The following SHANK2 variants were observed in gnomAD, a reference collection of about 807,000 sequenced individuals.
SHANK2 encodes the protein SH3 and multiple ankyrin repeat domains 2.
In SHANK2, 43 loss-of-function variants were observed where a neutral mutation model predicts 133.7. That is an observed-to-expected ratio of 0.32 (90% CI 0.25 to 0.41). The LOEUF (loss-of-function observed/expected upper bound fraction) is 0.41. Among genes scored for constraint, SHANK2 ranks in the 10% least tolerant of loss-of-function variants. The pLI is 1.00. For synonymous variants in SHANK2, 1,017 were observed against 952.8 expected, an observed-to-expected ratio of 1.07 and a Z score of -1.24; for missense variants, 1,994 against 2,235.8, an observed-to-expected ratio of 0.89 and a Z score of 2.18.
intron 17 of SHANK2, among the ~76,000 whole-genome samples, chr11:70,590,273 A>C (rs1329810750): frequency 6.6e-6 from 1 of 152,250 alleles, no homozygotes; most frequent in Non-Finnish European, 1.5e-5. Flanking sequence ...GGACAAGCAA[A>C]GAAAGTGATT....
Position 70,472,839 on chromosome 11 carries a change from A to G in SHANK2, c.*30T>C. 5.0e-6 allele frequency: 8 copies of G among 1,601,080 alleles called. No homozygotes were observed. The highest frequency in any genetic ancestry group is 6.8e-6 in the Non-Finnish European group (8 of 1,168,172). Reference sequence around the variant, plus strand: ...CGAGCCCATCTCTACTTATAACAAGAGCAGTCTGCGAGGTGGAGAGCAGCC... The same window carrying G: ...CGAGCCCATCTCTACTTATAACAAGGGCAGTCTGCGAGGTGGAGAGCAGCC... On this transcript the variant is annotated 3_prime_UTR_variant, in exon 26 of 26. Transcript: ENST00000601538. This position sits in a 1 kb window ranked among gnomAD's most constrained non-coding sequence, Gnocchi z 4.4.
chr11:71,243,343 G>A (rs1954917781), intron 1 of SHANK2, among the ~76,000 whole-genome samples: 1 of 152,094 alleles, frequency 6.6e-6, no homozygotes, highest in South Asian at 2.1e-4. Flanking sequence ...AAGAAGGGAA[G>A]ACTCAAATTA....
chr11:70,612,389 C>T (rs540840720), intron 17 of SHANK2, among the ~76,000 whole-genome samples: 133 of 152,300 alleles, frequency 8.7e-4, no homozygotes, highest in African/African-American at 3.1e-3. Flanking sequence ...TCGCCAGGTA[C>T]AGCTGCAGGC....
intron 15 of SHANK2, among the ~76,000 whole-genome samples, chr11:70,681,063 C>T (rs1355029939): frequency 6.6e-6 from 1 of 152,180 alleles, no homozygotes; most frequent in African/African-American, 2.4e-5. Flanking sequence ...TGACAGGTGC[C>T]CTGACTTGCA....
chr11:70,860,809 C>A (rs760615761), intron 11 of SHANK2, among the ~76,000 whole-genome samples: 11 of 152,122 alleles, frequency 7.2e-5, no homozygotes, highest in Admixed American at 5.9e-4. Flanking sequence ...GGGCCCAGGA[C>A]CAGGTGTTCA....
chr11:71,085,553 AT>A (rs1951369501), intron 8 of SHANK2, among the ~76,000 whole-genome samples: 3 of 83,530 alleles, frequency 3.6e-5, no homozygotes, highest in Non-Finnish European at 6.5e-5. Flanking sequence ...TATATAACAT[AT>A]TATATTATAT....
At chr11:70,491,995 G>C (rs2058892949) in intron 22 of SHANK2, among the ~76,000 whole-genome samples, 1 of 152,210 alleles carries the variant, frequency 6.6e-6, no homozygotes, top group South Asian at 2.1e-4. Context: ...CTGTGCTCTG[G>C]GTGGACCAGG....
At chr11:70,533,266 T>C (rs1554973569) in intron 17 of SHANK2, among the ~76,000 whole-genome samples, 1 of 152,204 alleles carries the variant, frequency 6.6e-6, no homozygotes, top group African/African-American at 2.4e-5. Context: ...TAGACTTTTA[T>C]TTTTGTAGAG....
chr11:70,863,579 A>G, intron 11 of SHANK2: 1 of 456,754 alleles, frequency 2.2e-6, no homozygotes, highest in Non-Finnish European at 4.4e-6. Flanking sequence ...TTAGAGTCTA[A>G]AATAACTCAG....
intron 2 of SHANK2, among the ~76,000 whole-genome samples, chr11:71,210,238 A>T (rs1180297406): frequency 1.9e-5 from 2 of 102,624 alleles, no homozygotes; most frequent in African/African-American, 1.0e-4. Flanking sequence ...ATATATATAT[A>T]TATATATATA....
intron 17 of SHANK2, among the ~76,000 whole-genome samples, chr11:70,609,148 G>A (rs1554993430): frequency 6.6e-6 from 1 of 152,202 alleles, no homozygotes; most frequent in South Asian, 2.1e-4. Context: ...GGGCCTGGCC[G>A]GCTCCCACCT....
chr11:70,565,221 A>ATCCC (rs2059953537), intron 17 of SHANK2, among the ~76,000 whole-genome samples: 1 of 151,154 alleles, frequency 6.6e-6, no homozygotes, highest in Non-Finnish European at 1.5e-5. Context: ...AGTTTCATCC[A>ATCCC]TCCATCCATC....
intron 14 of SHANK2, among the ~76,000 whole-genome samples, chr11:70,773,078 G>A (rs1168807541): frequency 6.6e-6 from 1 of 152,160 alleles, no homozygotes; most frequent in African/African-American, 2.4e-5. Flanking sequence ...CTGTGGGCAG[G>A]TCTTATCTTT....
At chr11:70,731,986 C>G (rs1681478078) in intron 14 of SHANK2, among the ~76,000 whole-genome samples, 1 of 152,278 alleles carries the variant, frequency 6.6e-6, no homozygotes, top group Admixed American at 6.5e-5. Flanking sequence ...GTGGCCTCCT[C>G]CTCAGCTCCC....
intron 2 of SHANK2, among the ~76,000 whole-genome samples, chr11:71,171,350 C>A (rs1177106332): frequency 6.6e-6 from 1 of 152,108 alleles, no homozygotes; most frequent in African/African-American, 2.4e-5. Context: ...AAGGTGATGG[C>A]GTAAGTCACT....
rs2058835509 is a variant in SHANK2 at position 70,487,932 on chromosome 11, G to A, written c.2573-212C>T. Among the ~76,000 whole-genome samples the A allele has an allele frequency of 6.6e-6, 1 of 152,208 alleles. No homozygotes were observed. The highest frequency in any genetic ancestry group is 1.9e-4 in the East Asian group (1 of 5,190). On this transcript the variant is annotated intron_variant, in intron 24 of 25. Coordinates refer to ENST00000601538, the MANE Select transcript of SHANK2 (RefSeq NM_012309.5). The surrounding 1 kb of genome is among the most constrained non-coding windows in gnomAD (Gnocchi z 5.8). Reference sequence around the variant, plus strand: ...AGAAAGGGAAGAACAGAAAGGCACTGGGGATGCTGTGAGTACGCTGCTGCT... The same window carrying A: ...AGAAAGGGAAGAACAGAAAGGCACTAGGGATGCTGTGAGTACGCTGCTGCT...
At chr11:70,770,707 T>G (rs1555042529) in intron 14 of SHANK2, among the ~76,000 whole-genome samples, 1 of 152,174 alleles carries the variant, frequency 6.6e-6, no homozygotes, top group Admixed American at 6.5e-5. Context: ...GACACCCATT[T>G]CGGTTCTCTG....
At chr11:71,170,303 G>A (rs1008129156) in intron 2 of SHANK2, among the ~76,000 whole-genome samples, 6 of 152,156 alleles carry the variant, frequency 3.9e-5, no homozygotes, top group Non-Finnish European at 7.4e-5. Context: ...CTAGAACAAC[G>A]TAGTGGTAAT....
At chr11:70,878,614 G>A (rs1329914372) in intron 11 of SHANK2, among the ~76,000 whole-genome samples, 4 of 152,180 alleles carry the variant, frequency 2.6e-5, no homozygotes, top group Non-Finnish European at 5.9e-5. Context: ...TTCCTCGGGG[G>A]TGGTCTTGGA....
Sources: allele counts gnomAD v4.1 joint callset (sites outside exome capture counted in the v4.1 genomes callset), GRCh38; gene constraint gnomAD v4.1.1; non-coding constraint Gnocchi (gnomAD v3.1); transcripts MANE v1.5; gene names NCBI Gene and HGNC (gene_info 2026-07-23, HGNC 2026-07-21).